The following MEGF9 variants were observed in gnomAD, a reference collection of about 807,000 sequenced individuals.
MEGF9 encodes multiple epidermal growth factor-like domains protein 9.
A neutral mutation model predicts 46.8 loss-of-function variants in MEGF9; 6 were observed. That is an observed-to-expected ratio of 0.13 (90% CI 0.07 to 0.25). MEGF9 has a LOEUF of 0.25. MEGF9 is among the 10% of genes least tolerant of loss of function. The pLI is 1.00. For synonymous variants in MEGF9, 302 were observed against 330.7 expected (o/e 0.91, Z 0.94); for missense variants, 683 against 792.4 (o/e 0.86, Z 1.66).
intron 1 of MEGF9, among the ~76,000 whole-genome samples, chr9:120,713,230 TCCATAC>T (rs2043961168): frequency 6.6e-6 from 1 of 152,186 alleles, no homozygotes; most frequent in Non-Finnish European, 1.5e-5. Flanking sequence ...CCTCAAGTGG[TCCATAC>T]TACTGTTTGT....
At chr9:120,668,975 C>T (rs2043737190) in intron 1 of MEGF9, among the ~76,000 whole-genome samples, 1 of 152,224 alleles carries the variant, frequency 6.6e-6, no homozygotes. Context: ...AATTAACCAG[C>T]TCTAGGACTG....
intron 1 of MEGF9, among the ~76,000 whole-genome samples, chr9:120,700,685 G>A (rs1234392882): frequency 6.6e-6 from 1 of 151,898 alleles, no homozygotes; most frequent in Non-Finnish European, 1.5e-5. Flanking sequence ...TGATTAATAG[G>A]ACTTAAGAGA....
chr9:120,687,670 CTGTGTGTGTGTGTG>C (rs71385077), intron 1 of MEGF9, among the ~76,000 whole-genome samples: 2 of 141,988 alleles, frequency 1.4e-5, no homozygotes, highest in African/African-American at 2.6e-5. Flanking sequence ...GAACACAACA[CTGTGTGTGTGTGTG>C]TGTGTGTGTG....
At chr9:120,657,958 A>T (rs890032788) in intron 2 of MEGF9, among the ~76,000 whole-genome samples, 2 of 152,148 alleles carry the variant, frequency 1.3e-5, no homozygotes, top group African/African-American at 2.4e-5. Flanking sequence ...CTGCATTTGA[A>T]ATTATAAACT....
At chr9:120,664,343 T>C (rs2043715723) in intron 1 of MEGF9, among the ~76,000 whole-genome samples, 1 of 152,374 alleles carries the variant, frequency 6.6e-6, no homozygotes, top group Non-Finnish European at 1.5e-5. Context: ...TCCTAATGAA[T>C]GTGTCCTCTC....
chr9:120,616,634 A>G (rs1423780783), intron 3 of MEGF9, among the ~76,000 whole-genome samples: 3 of 149,718 alleles, frequency 2.0e-5, no homozygotes, highest in Non-Finnish European at 4.4e-5. Context: ...AGCCCAGATC[A>G]GCCACTGCAC....
chr9:120,616,010 C>T (rs1226580998), intron 3 of MEGF9, among the ~76,000 whole-genome samples: 1 of 152,004 alleles, frequency 6.6e-6, no homozygotes, highest in African/African-American at 2.4e-5. Context: ...AGAAAGAAAA[C>T]AAATAAATTA....
At chr9:120,686,759 C>T (rs1045475670) in intron 1 of MEGF9, among the ~76,000 whole-genome samples, 7 of 152,208 alleles carry the variant, frequency 4.6e-5, no homozygotes, top group Admixed American at 3.3e-4. Flanking sequence ...TGAGCCTCAG[C>T]TCCCTCCCCT....
intron 2 of MEGF9, among the ~76,000 whole-genome samples, chr9:120,636,342 T>C (rs539940742): frequency 3.3e-5 from 5 of 152,268 alleles, no homozygotes; most frequent in Non-Finnish European, 7.4e-5. Flanking sequence ...CTGTTTCCAA[T>C]TGGGTGCAGT....
At chr9:120,673,304 G>T (rs2043758320) in intron 1 of MEGF9, among the ~76,000 whole-genome samples, 1 of 151,948 alleles carries the variant, frequency 6.6e-6, no homozygotes, top group African/African-American at 2.4e-5. Context: ...ATCCCAGAAG[G>T]ATTTTTTATA....
chr9:120,646,411 C>T (rs751521998), intron 2 of MEGF9, among the ~76,000 whole-genome samples: 21 of 152,122 alleles, frequency 1.4e-4, no homozygotes, highest in South Asian at 4.1e-4. Context: ...CATCTCCTGT[C>T]CCCACTCCTC....
chr9:120,686,470 C>A (rs1246451171), intron 1 of MEGF9, among the ~76,000 whole-genome samples: 1 of 152,208 alleles, frequency 6.6e-6, no homozygotes. Flanking sequence ...ATATACTTAA[C>A]AAACTGTACA....
Position 120,605,424 on chromosome 9 carries a change from C to T in MEGF9, c.1575G>A (p.Val525=). ...CCCCCACAAATCCCATTAGCAGCAC[C>T]ACAACAATGATGATGACTGTCAAAA... ...IIILTVIIIV[V]VLLMGFVGAV... Residue 525 remains valine, a synonymous_variant, in exon 6 of 6, where the codon GTG becomes GTA. Coordinates refer to ENST00000373930, the MANE Select transcript of MEGF9 (RefSeq NM_001080497.3). This position sits in a 1 kb window ranked among gnomAD's most constrained non-coding sequence, Gnocchi z 4.0. 1 of 1,614,014 alleles carries T rather than the reference C, an allele frequency of 6.2e-7. No homozygotes were observed. Among genetic ancestry groups the T allele is most frequent in the Non-Finnish European group, 8.5e-7 (1 of 1,179,894 alleles).
Position 120,631,478 on chromosome 9 carries a change from TTTGA to T in MEGF9, c.804-8727_804-8724del, listed in dbSNP as rs2043550252. Among the ~76,000 whole-genome samples, 2 of 127,314 alleles carry T rather than the reference TTTGA, an allele frequency of 1.6e-5. 1 individual carries two copies. 83.5% of individuals were successfully genotyped at this position (127,314 alleles called of 152,430 possible). ...GAGGTCCCCTGTGGTTCCATATGAA[TTTGA>T]TTGCATTTTTTTTTTTTTCTGAGAT... On this transcript the variant is annotated intron_variant, in intron 2 of 5. Coordinates refer to ENST00000373930, the MANE Select transcript of MEGF9 (RefSeq NM_001080497.3).
At chr9:120,617,475 C>T (rs1475902557) in intron 3 of MEGF9, among the ~76,000 whole-genome samples, 1 of 151,994 alleles carries the variant, frequency 6.6e-6, no homozygotes, top group Admixed American at 6.6e-5. Flanking sequence ...AGTATGGAGC[C>T]CAGGTTAACA....
chr9:120,615,303 ACACACACACATG>A (rs2043467278), intron 3 of MEGF9, among the ~76,000 whole-genome samples: 1 of 147,926 alleles, frequency 6.8e-6, no homozygotes, highest in African/African-American at 2.5e-5. Context: ...GTGTGTACAC[ACACACACACATG>A]CACACACACA....
At chr9:120,615,438 C>T (rs1462507893) in intron 3 of MEGF9, among the ~76,000 whole-genome samples, 4 of 151,426 alleles carry the variant, frequency 2.6e-5, no homozygotes, top group Non-Finnish European at 4.4e-5. Flanking sequence ...CAATATAATT[C>T]TACTCTCTTA....
intron 1 of MEGF9, among the ~76,000 whole-genome samples, chr9:120,680,531 T>C (rs2043793445): frequency 6.6e-6 from 1 of 152,154 alleles, no homozygotes; most frequent in South Asian, 2.1e-4. Context: ...TGGTAACGCA[T>C]GCACCCCTGT....
Position 120,607,786 on chromosome 9 carries a change from G to C in MEGF9, c.1312C>G (p.Leu438Val). Residue 438 changes from leucine to valine, a missense_variant, in exon 5 of 6, where the codon CTA becomes GTA. Around this residue, in one of 2 missense-constraint regions of MEGF9, gnomAD observed 313 missense variants for 421.1 expected, o/e 0.74. Coordinates refer to ENST00000373930, the MANE Select transcript of MEGF9 (RefSeq NM_001080497.3). ...NTTGFWCENC[L>V]EGYVHDLEGN... The stretch of plus-strand genomic sequence containing the variant: ...TCGAGGTCGTGAACATAACCTTCTA[G>C]GCAGTTCTCACACCAAAACCCAGTG... The C allele has an allele frequency of 6.2e-7, 1 of 1,613,952 alleles. No individual in the cohort carries two copies. The highest frequency in any genetic ancestry group is 8.5e-7 in the Non-Finnish European group (1 of 1,179,874).
Sources: gnomAD v4.1 joint callset for allele counts (sites outside exome capture counted in the v4.1 genomes callset) on GRCh38, gnomAD v4.1.1 for gene constraint, gnomAD v4.1.1 regional missense constraint, Gnocchi (gnomAD v3.1) non-coding constraint, MANE v1.5 for transcripts, NCBI Gene and HGNC (gene_info 2026-07-23, HGNC 2026-07-21) for gene names.